Variants in TTC34 observed in about 807,000 individuals in gnomAD.
The protein encoded by TTC34 is tetratricopeptide repeat protein 34.
TTC34 carries 44 observed loss-of-function variants against 40.7 expected under a neutral mutation model. The ratio of observed to expected loss-of-function variants is 1.08; its 90% CI spans 0.85 to 1.39. The LOEUF is 1.39. Ranked by LOEUF, TTC34 falls within the 40% of genes most tolerant of loss-of-function variation. The pLI is 0.00. For missense variants in TTC34, 884 were observed against 838.0 expected (o/e 1.05, Z -0.68); for synonymous variants, 422 against 398.6 (o/e 1.06, Z -0.70).
chr1:2,755,440 C>T (rs1641472085), intron 6 of TTC34, among the ~76,000 whole-genome samples: 4 of 63,160 alleles, frequency 6.3e-5, no homozygotes, highest in African/African-American at 1.4e-4. Context: ...GTGCATCCGA[C>T]AGCCTGGAGC....
intron 6 of TTC34, among the ~76,000 whole-genome samples, chr1:2,756,766 A>C (rs1641521265): frequency 7.4e-6 from 1 of 135,078 alleles, no homozygotes; most frequent in Non-Finnish European, 1.6e-5. Flanking sequence ...AGCATCTGAC[A>C]GCCTGGAACA....
intron 6 of TTC34, among the ~76,000 whole-genome samples, chr1:2,752,206 A>ATTG: frequency 8.4e-6 from 1 of 118,786 alleles, no homozygotes; most frequent in South Asian, 3.0e-4. Context: ...AACAGAACCC[A>ATTG]CACCCCCAGG....
At chr1:2,757,762 G>T (rs1417072930) in intron 6 of TTC34, among the ~76,000 whole-genome samples, 1 of 142,462 alleles carries the variant, frequency 7.0e-6, no homozygotes, top group Admixed American at 6.9e-5. Context: ...CCACAGGCGA[G>T]CATCTGAACC....
At chr1:2,660,726 T>C (rs1570772309) in intron 6 of TTC34, among the ~76,000 whole-genome samples, 1 of 106,616 alleles carries the variant, frequency 9.4e-6, no homozygotes. Flanking sequence ...GGTGAGCATC[T>C]GACATCGTGG....
intron 6 of TTC34, among the ~76,000 whole-genome samples, chr1:2,771,749 G>A (rs199914828): frequency 1.5e-5 from 2 of 130,146 alleles, no homozygotes; most frequent in Non-Finnish European, 1.6e-5. Flanking sequence ...TGACAGCCCG[G>A]AGCAGCGTCC....
At chr1:2,776,352 T>A (rs1430866162) in intron 6 of TTC34, 1 of 115,850 alleles carries the variant, frequency 8.6e-6, no homozygotes, top group Non-Finnish European at 1.7e-5. Flanking sequence ...GGCAGCCTGG[T>A]AAAACAACCC....
chr1:2,768,342 T>G (rs551755996), intron 6 of TTC34, among the ~76,000 whole-genome samples: 193 of 152,130 alleles, frequency 1.3e-3, no homozygotes, highest in African/African-American at 4.2e-3. Flanking sequence ...GGTTATCAGA[T>G]GCTCACCTGG....
chr1:2,641,501 A>G, exon 9 of TTC34: 1 of 1,535,622 alleles, frequency 6.5e-7, no homozygotes, highest in Middle Eastern at 1.7e-4. Flanking sequence ...CTGCTCCTCC[A>G]GGCAGCACTG....
chr1:2,647,637 T>C (rs1237702062), intron 6 of TTC34, among the ~76,000 whole-genome samples: 1 of 152,042 alleles, frequency 6.6e-6, no homozygotes, highest in Non-Finnish European at 1.5e-5. Flanking sequence ...CCATCTCTTC[T>C]AGAAAATTTT....
At chr1:2,644,336 G>A (rs984746810) in exon 8 of TTC34, 4 of 1,535,770 alleles carry the variant, frequency 2.6e-6, no homozygotes, top group Admixed American at 2.0e-5. Flanking sequence ...CATCCACCTC[G>A]GCCAGGCTCT....
intron 6 of TTC34, chr1:2,776,157 C>T (rs1251218015): frequency 7.6e-6 from 1 of 131,440 alleles, no homozygotes; most frequent in Non-Finnish European, 1.5e-5. Flanking sequence ...TGGAACAGCA[C>T]CCCACAACTG....
chr1:2,800,575 G>A (rs1043974108), exon 2 of TTC34: 1 of 398,354 alleles, frequency 2.5e-6, no homozygotes, highest in Non-Finnish European at 4.4e-6. Flanking sequence ...GACCCTGTCA[G>A]GGAGACCACT....
intron 6 of TTC34, among the ~76,000 whole-genome samples, chr1:2,686,350 A>G (rs550767155): frequency 7.9e-3 from 1,114 of 141,698 alleles, no homozygotes; most frequent in Admixed American, 0.014. Flanking sequence ...AGCCTGGAGC[A>G]GCACCCACAC....
chr1:2,789,544 CCGGCCCTGCGCTCTGGA>C lies in TTC34; in HGVS notation c.1570_1586del (p.Ser524GlufsTer42), dbSNP rs1419827894. 5 of 1,500,174 alleles carry C rather than the reference CCGGCCCTGCGCTCTGGA, an allele frequency of 3.3e-6. No individual in the cohort carries two copies. Among genetic ancestry groups the C allele is most frequent in the Admixed American group, 2.1e-5 (1 of 47,324 alleles). 92.9% of individuals were successfully genotyped at this position (1,500,174 alleles called of 1,614,324 possible). On this transcript the variant is annotated frameshift_variant, in exon 3 of 9. Transcript: ENST00000401095. LOFTEE classifies it high-confidence loss of function. Reference sequence around the variant, plus strand: ...GGCCGCCCGTCTCTGCGGCCTCCCTCCGGCCCTGCGCTCTGGACGGCCCGGCGCGTGGAGATCGCTGC... The same window carrying C: ...GGCCGCCCGTCTCTGCGGCCTCCCTCCGGCCCGGCGCGTGGAGATCGCTGC...
chr1:2,688,087 C>T (rs1030910609), intron 6 of TTC34, among the ~76,000 whole-genome samples: 1 of 147,080 alleles, frequency 6.8e-6, no homozygotes, highest in African/African-American at 2.5e-5. Flanking sequence ...GCACCCTGCA[C>T]CCCCAGGTGC....
intron 6 of TTC34, among the ~76,000 whole-genome samples, chr1:2,764,454 G>A (rs1215122347): frequency 7.3e-4 from 63 of 85,946 alleles, no homozygotes; most frequent in Middle Eastern, 0.02. Flanking sequence ...CTGGGGCAGT[G>A]CCCACAGCCC....
At chr1:2,662,493 C>G (rs1639583507) in intron 6 of TTC34, among the ~76,000 whole-genome samples, 6 of 93,220 alleles carry the variant, frequency 6.4e-5, no homozygotes, top group African/African-American at 2.0e-4. Context: ...AGGTGAGCAT[C>G]TGACAGCATG....
intron 6 of TTC34, among the ~76,000 whole-genome samples, chr1:2,783,221 C>T (rs1289588079): frequency 1.3e-5 from 2 of 152,332 alleles, no homozygotes; most frequent in Admixed American, 6.5e-5. Context: ...TGTGCATGTC[C>T]TCTAAACCCC....
chr1:2,642,021 G>A (rs1638918073), intron 8 of TTC34, 126 bp from the exon 9 acceptor site: 1 of 1,082,664 alleles, frequency 9.2e-7, no homozygotes, highest in East Asian at 2.7e-5. Context: ...GCGGGGCCCT[G>A]GGCTGCACAG....
Sources: allele counts gnomAD v4.1 joint callset (sites outside exome capture counted in the v4.1 genomes callset), GRCh38; gene constraint gnomAD v4.1.1; transcripts MANE v1.5; gene names NCBI Gene and HGNC (gene_info 2026-07-23, HGNC 2026-07-21).